LIMCH1: variants seen among roughly 807,000 people sequenced by gnomAD.
LIMCH1 encodes the protein LIM and calponin homology domains 1.
LIMCH1 carries 113 observed loss-of-function variants against 176.5 expected under a neutral mutation model. That is an observed-to-expected ratio of 0.64 (90% confidence interval 0.55 to 0.75). The LOEUF is 0.75. LIMCH1 is among the 30% of genes least tolerant of loss of function. The pLI, the probability that LIMCH1 is intolerant of heterozygous loss-of-function variation, is 0.00. For missense variants in LIMCH1, 1,674 were observed against 1,814.9 expected (o/e 0.92, Z 1.41); for synonymous variants, 619 against 645.9 (o/e 0.96, Z 0.63).
intron 21 of LIMCH1, chr4:41,670,891 G>A: frequency 6.7e-7 from 1 of 1,482,590 alleles, no homozygotes; most frequent in Middle Eastern, 1.8e-4. Flanking sequence ...GATTTCTGGG[G>A]AAAAAATTAT....
At chr4:41,657,847 G>T (rs900788810) in intron 18 of LIMCH1, among the ~76,000 whole-genome samples, 7 of 152,092 alleles carry the variant, frequency 4.6e-5, no homozygotes, top group Non-Finnish European at 1.5e-5. Flanking sequence ...GGGGCAGTTG[G>T]GTCCCCAGGA....
At chr4:41,537,513 G>A (rs750523679), upstream of LIMCH1, among the ~76,000 whole-genome samples, 2 of 152,180 alleles carry the variant, frequency 1.3e-5, no homozygotes, top group Non-Finnish European at 2.9e-5. Flanking sequence ...TCCATTCTCA[G>A]ATGTCATCTC....
chr4:41,368,877 A>G (rs1186244436), intron 1 of LIMCH1, among the ~76,000 whole-genome samples: 1 of 152,160 alleles, frequency 6.6e-6, no homozygotes, highest in Non-Finnish European at 1.5e-5. Flanking sequence ...TTTGTGTTTG[A>G]GCCTAGACTC....
chr4:41,648,303 C>T (rs1229146709), intron 17 of LIMCH1, among the ~76,000 whole-genome samples: 1 of 152,184 alleles, frequency 6.6e-6, no homozygotes, highest in Non-Finnish European at 1.5e-5. Flanking sequence ...ATCGTTTAAA[C>T]AGAAGGATTA....
intron 2 of LIMCH1, among the ~76,000 whole-genome samples, chr4:41,517,789 G>T (rs774508826): frequency 4.6e-5 from 7 of 151,568 alleles, no homozygotes; most frequent in Non-Finnish European, 1.0e-4. Context: ...CTCATGCTTA[G>T]GTTCAAAAAC....
chr4:41,569,252 A>T (rs1025664022), intron 1 of LIMCH1, among the ~76,000 whole-genome samples: 4 of 152,186 alleles, frequency 2.6e-5, no homozygotes, highest in African/African-American at 9.7e-5. Flanking sequence ...GTCTGTGGCA[A>T]GGGTGCCTGC....
chr4:41,371,177 C>G (rs772625649), intron 1 of LIMCH1, among the ~76,000 whole-genome samples: 12 of 152,132 alleles, frequency 7.9e-5, no homozygotes, highest in African/African-American at 2.9e-4. Flanking sequence ...GGTGACCTGC[C>G]TCTCTCCTTC....
chr4:41,694,741 A>T (rs971869719), intron 31 of LIMCH1, among the ~76,000 whole-genome samples: 2 of 151,968 alleles, frequency 1.3e-5, no homozygotes, highest in Non-Finnish European at 2.9e-5. Flanking sequence ...ATTTCAGAGC[A>T]TCTCCATAGG....
intron 31 of LIMCH1, among the ~76,000 whole-genome samples, chr4:41,695,572 T>C (rs1234797689): frequency 6.6e-6 from 1 of 152,162 alleles, no homozygotes; most frequent in African/African-American, 2.4e-5. Flanking sequence ...TTATTCTCCA[T>C]TACTGAATGT....
At chr4:41,602,653 C>A (rs1012083642) in intron 2 of LIMCH1, among the ~76,000 whole-genome samples, 3 of 151,908 alleles carry the variant, frequency 2.0e-5, no homozygotes, top group Non-Finnish European at 2.9e-5. Flanking sequence ...ACTAAAAATA[C>A]AAAAATTAGC....
At chr4:41,671,731 G>A (rs907813448) in intron 22 of LIMCH1, 137 bp downstream of exon 22, 20 of 644,950 alleles carry the variant, frequency 3.1e-5, no homozygotes, top group Middle Eastern at 4.3e-4. Context: ...GGGAGGGTGA[G>A]GCGGGTGGAT....
intron 1 of LIMCH1, among the ~76,000 whole-genome samples, chr4:41,596,048 C>CAAAAAAA (rs1452167402): frequency 3.0e-5 from 3 of 100,698 alleles, no homozygotes; most frequent in African/African-American, 2.1e-4. Context: ...GACTCCATCT[C>CAAAAAAA]AAAAAAAAAA....
At chr4:41,363,254 T>C (rs1478235653) in intron 1 of LIMCH1, among the ~76,000 whole-genome samples, 1 of 152,124 alleles carries the variant, frequency 6.6e-6, no homozygotes, top group African/African-American at 2.4e-5. Flanking sequence ...AGCAATAATG[T>C]AGTACTTAGG....
chr4:41,402,844 G>A (rs2058596529), intron 1 of LIMCH1, among the ~76,000 whole-genome samples: 1 of 135,370 alleles, frequency 7.4e-6, no homozygotes, highest in Non-Finnish European at 1.6e-5. Context: ...GGGGAGGGGG[G>A]AGGAATAGCA....
At chr4:41,585,643 C>A (rs6447095) in intron 1 of LIMCH1, among the ~76,000 whole-genome samples, 53,060 of 152,126 alleles carry the variant, frequency 0.35, 14,821 homozygotes, top group African/African-American at 0.78. Flanking sequence ...CACCATTTTA[C>A]ATTCTCACCA....
At chr4:41,494,355 G>A (rs1314479734) in intron 1 of LIMCH1, among the ~76,000 whole-genome samples, 6 of 145,730 alleles carry the variant, frequency 4.1e-5, no homozygotes, top group Middle Eastern at 3.7e-3. Flanking sequence ...ATATACATAC[G>A]TACACATACA....
intron 1 of LIMCH1, among the ~76,000 whole-genome samples, chr4:41,384,423 T>C (rs2056194501): frequency 6.6e-6 from 1 of 151,976 alleles, no homozygotes. Context: ...TTAGCCAGGA[T>C]GGTCTCGATC....
At chr4:41,394,762 T>G (rs953874279) in intron 1 of LIMCH1, among the ~76,000 whole-genome samples, 1 of 152,204 alleles carries the variant, frequency 6.6e-6, no homozygotes, top group African/African-American at 2.4e-5. Flanking sequence ...AGATTATTCA[T>G]AGAGCATCTT....
chr4:41,612,513 T>A (rs1264448356), intron 4 of LIMCH1: 2 of 702,084 alleles, frequency 2.8e-6, no homozygotes, highest in African/African-American at 3.5e-5. Context: ...TATCTTTGAG[T>A]GACCAGAGTT....
Sources: allele counts gnomAD v4.1 joint callset (sites outside exome capture counted in the v4.1 genomes callset), GRCh38; gene constraint gnomAD v4.1.1; transcripts MANE v1.5; gene names NCBI Gene and HGNC (gene_info 2026-07-23, HGNC 2026-07-21).